The following MAML1 variants were observed in gnomAD, a reference collection of about 807,000 sequenced individuals.
MAML1 encodes the protein mastermind-like protein 1.
Under a neutral mutation model 77.1 loss-of-function variants are expected in MAML1, and 14 were observed. The ratio of observed to expected loss-of-function variants is 0.18; its 90% CI spans 0.12 to 0.28. The LOEUF (loss-of-function observed/expected upper bound fraction) is 0.28. Ranked by LOEUF, MAML1 falls within the 10% of genes least tolerant of loss-of-function variation. The pLI is 1.00. For synonymous variants in MAML1, 516 were observed against 551.9 expected (o/e 0.93, Z 0.91); for missense variants, 1,217 against 1,327.8 (o/e 0.92, Z 1.30).
chr5:179,765,985 C>T lies in MAML1; in HGVS notation c.975C>T (p.Thr325=). The T allele has an allele frequency of 6.2e-7, 1 of 1,610,518 alleles. No individual in the cohort carries two copies. Among genetic ancestry groups the T allele is most frequent in the Non-Finnish European group, 8.5e-7 (1 of 1,178,714 alleles). ...PQVRAGSAGQ[T]FLGPSSAPVS... Reference sequence around the variant, plus strand: ...TGAGGGCCGGGTCTGCAGGGCAGACCTTTCTGGGGCCTTCCTCTGCCCCTG... The same window carrying T: ...TGAGGGCCGGGTCTGCAGGGCAGACTTTTCTGGGGCCTTCCTCTGCCCCTG... The change falls in exon 2 of 5, where the codon ACC becomes ACT. Residue 325 remains threonine, a synonymous_variant. Coordinates refer to ENST00000292599, the MANE Select transcript of MAML1 (RefSeq NM_014757.5).
Position 179,765,437 on chromosome 5 carries a change from G to C in MAML1, c.427G>C (p.Glu143Gln), listed in dbSNP as rs779486597. ...TCCTGGGCATAAGAAGACTCGCCGG[G>C]AGGCCCCTCTGGGAGTTGCCATCTC... ...LFPGHKKTRR[E>Q]APLGVAISSN... The change falls in exon 2 of 5, where the codon GAG becomes CAG. Residue 143 changes from glutamate to glutamine, a missense_variant. Glu to Gln is a conservative substitution (Grantham distance 29). Transcript: ENST00000292599. 1.9e-6 allele frequency: 3 copies of C among 1,614,220 alleles called. No homozygotes were observed. The highest frequency in any genetic ancestry group is 2.5e-6 in the Non-Finnish European group (3 of 1,180,048).
At position 179,765,888 on chromosome 5, in the gene MAML1, C is replaced by T. The variant is rs775562183; in HGVS notation, c.878C>T (p.Ala293Val). The T allele has an allele frequency of 4.8e-5, 78 of 1,614,028 alleles. 2 individuals are homozygous for T. The South Asian group carries it at 8.3e-4, about 17-fold the overall frequency. Residue 293 changes from alanine to valine, a missense_variant, in exon 2 of 5, where the codon GCA becomes GTA. Physicochemically the swap from Ala to Val is moderately conservative, Grantham distance 64. Transcript: ENST00000292599. ...SSGSATQTPLAQDINIKTEFS... is the reference protein window; with the variant it reads ...SSGSATQTPLVQDINIKTEFS... ...GGCTCTGCCACACAAACCCCCTTGG[C>T]ACAGGACATTAATATTAAGACGGAA...
Position 179,769,147 on chromosome 5 carries a change from A to G in MAML1, c.1971+58A>G. The G allele has an allele frequency of 6.3e-7, 1 of 1,598,674 alleles. No individual in the cohort carries two copies. Among genetic ancestry groups the G allele is most frequent in the South Asian group, 1.1e-5 (1 of 88,512 alleles). The stretch of plus-strand genomic sequence containing the variant: ...CCCACCTTTGCCTGCACCCTGCGTC[A>G]CTGCTACAGTCACACCTTCTGCTTG... On this transcript the variant is annotated intron_variant, in intron 3 of 4. Coordinates refer to ENST00000292599, the MANE Select transcript of MAML1 (RefSeq NM_014757.5). The surrounding 1 kb of genome is among the most constrained non-coding windows in gnomAD (Gnocchi z 4.2).
At chr5:179,753,654 A>ATTATTATTATTTTTTTTTT (rs1554150374) in intron 1 of MAML1, among the ~76,000 whole-genome samples, 1 of 88,850 alleles carries the variant, frequency 1.1e-5, no homozygotes. Flanking sequence ...TATTATTATT[A>ATTATTATTATTTTTTTTTT]TTTTTTTTTT....
rs1350973055 is a variant in MAML1, at chr5:179,771,465, C to T, written c.2068+222C>T. Among the ~76,000 whole-genome samples, 5 of 152,192 alleles carry T rather than the reference C, an allele frequency of 3.3e-5. No individual in the cohort carries two copies. Among genetic ancestry groups the T allele is most frequent in the African/African-American group, 9.7e-5 (4 of 41,436 alleles). ...CCACTAGAACTACCTTTGCTGGGTC[C>T]CTGGCTGTACAGTTTTCTGAAGCAA... On this transcript the variant is annotated intron_variant, in intron 4 of 4. Coordinates refer to ENST00000292599, the MANE Select transcript of MAML1 (RefSeq NM_014757.5). The surrounding 1 kb of genome is among the most constrained non-coding windows in gnomAD (Gnocchi z 4.7).
In MAML1 at chr5:179,769,155, A is replaced by G. The variant is rs1284620005; in HGVS notation, c.1971+66A>G. Reference sequence around the variant, plus strand: ...TGCCTGCACCCTGCGTCACTGCTACAGTCACACCTTCTGCTTGTGCGTGTG... The same window carrying G: ...TGCCTGCACCCTGCGTCACTGCTACGGTCACACCTTCTGCTTGTGCGTGTG... On this transcript the variant is annotated intron_variant, in intron 3 of 4. Coordinates refer to ENST00000292599, the MANE Select transcript of MAML1 (RefSeq NM_014757.5). The surrounding 1 kb of genome is among the most constrained non-coding windows in gnomAD (Gnocchi z 4.2). The G allele has an allele frequency of 3.1e-6, 5 of 1,591,004 alleles. No individual in the cohort carries two copies. In the African/African-American group the frequency reaches 4.0e-5, roughly 13 times the overall value.
chr5:179,753,222 T>TGC (rs1171083663), intron 1 of MAML1, among the ~76,000 whole-genome samples: 126 of 31,480 alleles, frequency 4.0e-3, no homozygotes, highest in Middle Eastern at 0.019. Flanking sequence ...TGTGTGTGTG[T>TGC]GCGCGCGCGC....
intron 1 of MAML1, among the ~76,000 whole-genome samples, chr5:179,750,219 G>T (rs991110621): frequency 1.3e-5 from 2 of 152,204 alleles, no homozygotes; most frequent in Non-Finnish European, 2.9e-5. Flanking sequence ...CTGTGGATGT[G>T]GCCATGTGCT....
At chr5:179,762,531 C>G (rs1779742656) in intron 1 of MAML1, among the ~76,000 whole-genome samples, 1 of 152,186 alleles carries the variant, frequency 6.6e-6, no homozygotes, top group Admixed American at 6.5e-5. Flanking sequence ...TCCTGGAACC[C>G]TGTACACTGC....
chr5:179,764,764 C>A (rs548938345), intron 1 of MAML1, among the ~76,000 whole-genome samples: 3 of 152,062 alleles, frequency 2.0e-5, no homozygotes, highest in Admixed American at 6.5e-5. Flanking sequence ...GAGTTTGTGA[C>A]CAGCCTGGCC....
At position 179,775,820 on chromosome 5, in the gene MAML1, C is replaced by T. The variant is rs571803640; in HGVS notation, c.*943C>T. The T allele has an allele frequency of 7.5e-4, 744 of 985,546 alleles. No homozygotes were observed. The highest frequency in any genetic ancestry group is 2.1e-3 in the Middle Eastern group (4 of 1,916). The allele number at this position is 985,546 out of a possible 1,614,324, so 61.1% of individuals were successfully genotyped here. ...ACCGTTGGCCTTTCTGTCTGCCTCT[C>T]CTTCCTCTCTGCAGCCCAAATGGAA... On this transcript the variant is annotated 3_prime_UTR_variant, in exon 5 of 5. Coordinates refer to ENST00000292599, the MANE Select transcript of MAML1 (RefSeq NM_014757.5).
Position 179,733,318 on chromosome 5 carries a change from A to C in MAML1, c.206A>C (p.Lys69Thr). The change falls in exon 1 of 5, where the codon AAG becomes ACG. Residue 69 changes from lysine to threonine, a missense_variant. Transcript: ENST00000292599. ...CAGCGCTGCATCCAGGCCAAGGCCA[A>C]GCGCGCCGGGAAGCACAGGCAGCCG... is the stretch of plus-strand genomic sequence containing the variant. ...LHQRCIQAKA[K>T]RAGKHRQPPA... 7.2e-7 allele frequency: 1 copy of C among 1,387,874 alleles called. No individual in the cohort carries two copies. The highest frequency in any genetic ancestry group is 9.4e-7 in the Non-Finnish European group (1 of 1,063,702). 86.0% of individuals were successfully genotyped at this position (1,387,874 alleles called of 1,614,324 possible). A position where few individuals can be genotyped will look rare whatever the true frequency, so the allele number is the denominator to read the frequency against.
rs1177091683 is a variant in MAML1, at chr5:179,769,842, C to G, written c.1971+753C>G. ...TGCTGAGATTACAGGCGTGAGCCACCACGCCTGGCCTTAAATTACATCTTT... is the reference window on the plus strand; with the variant it reads ...TGCTGAGATTACAGGCGTGAGCCACGACGCCTGGCCTTAAATTACATCTTT... On this transcript the variant is annotated intron_variant, in intron 3 of 4. Coordinates refer to ENST00000292599, the MANE Select transcript of MAML1 (RefSeq NM_014757.5). This position sits in a 1 kb window ranked among gnomAD's most constrained non-coding sequence, Gnocchi z 4.2. Among the ~76,000 whole-genome samples, 1 of 152,046 alleles carries G rather than the reference C, an allele frequency of 6.6e-6. No individual in the cohort carries two copies. The highest frequency in any genetic ancestry group is 2.4e-5 in the African/African-American group (1 of 41,392).
In MAML1 at chr5:179,765,880, C is replaced by T. The variant is rs978970827; in HGVS notation, c.870C>T (p.Thr290=). 5 of 1,614,106 alleles carry T rather than the reference C, an allele frequency of 3.1e-6. 1 individual carries two copies. The South Asian group carries it at 5.5e-5, about 18-fold the overall frequency. The change falls in exon 2 of 5, where the codon ACC becomes ACT. Residue 290 remains threonine, a synonymous_variant. Coordinates refer to ENST00000292599, the MANE Select transcript of MAML1 (RefSeq NM_014757.5). ...AGTCTTCTGGCTCTGCCACACAAAC[C>T]CCCTTGGCACAGGACATTAATATTA... ...DPESSGSATQ[T]PLAQDINIKT...
intron 1 of MAML1, among the ~76,000 whole-genome samples, chr5:179,758,819 A>G (rs1157279055): frequency 6.6e-6 from 1 of 152,098 alleles, no homozygotes; most frequent in African/African-American, 2.4e-5. Flanking sequence ...CCTCGCCAAC[A>G]TGGTGAAACC....
At chr5:179,745,975 G>A (rs1457520425) in intron 1 of MAML1, among the ~76,000 whole-genome samples, 1 of 146,444 alleles carries the variant, frequency 6.8e-6, no homozygotes, top group Non-Finnish European at 1.5e-5. Context: ...CGGAGGTTTC[G>A]ATGAGCTGAG....
chr5:179,743,754 C>G (rs1020895301), intron 1 of MAML1, among the ~76,000 whole-genome samples: 2 of 151,892 alleles, frequency 1.3e-5, no homozygotes, highest in African/African-American at 2.4e-5. Context: ...TTTTGTTTAT[C>G]AATTGTAAAC....
chr5:179,754,702 T>G (rs1206596024), intron 1 of MAML1, among the ~76,000 whole-genome samples: 1 of 152,196 alleles, frequency 6.6e-6, no homozygotes, highest in Non-Finnish European at 1.5e-5. Context: ...TAAAACCACT[T>G]TCTGTGCCCC....
Position 179,775,123 on chromosome 5 carries a change from G to A in MAML1, c.*246G>A. The A allele has an allele frequency of 7.8e-7, 1 of 1,285,540 alleles. No individual in the cohort carries two copies. The highest frequency in any genetic ancestry group is 9.9e-7 in the Non-Finnish European group (1 of 1,015,026). The allele number at this position is 1,285,540 out of a possible 1,614,324, so 79.6% of individuals were successfully genotyped here. On this transcript the variant is annotated 3_prime_UTR_variant, in exon 5 of 5. Coordinates refer to ENST00000292599, the MANE Select transcript of MAML1 (RefSeq NM_014757.5). Reference sequence around the variant, plus strand: ...TCAGTACCTGGTGTTGGGACAGCAGGATAGGGTTCTAAAGGTGGTTTTCTA... The same window carrying A: ...TCAGTACCTGGTGTTGGGACAGCAGAATAGGGTTCTAAAGGTGGTTTTCTA...
Sources: gnomAD v4.1 joint callset for allele counts (sites outside exome capture counted in the v4.1 genomes callset) on GRCh38, gnomAD v4.1.1 for gene constraint, Gnocchi (gnomAD v3.1) non-coding constraint, MANE v1.5 for transcripts, NCBI Gene and HGNC (gene_info 2026-07-23, HGNC 2026-07-21) for gene names.